The following GRID2 variants were observed in gnomAD, a reference collection of about 807,000 sequenced individuals.
GRID2 encodes the protein glutamate ionotropic receptor delta type subunit 2, also known as glutamate receptor ionotropic, delta-2.
A neutral mutation model predicts 114.8 loss-of-function variants in GRID2; 33 were observed. The ratio of observed to expected loss-of-function variants is 0.29; its 90% CI spans 0.22 to 0.38. The LOEUF (loss-of-function observed/expected upper bound fraction) is 0.38, where lower values mean the gene tolerates loss of function less well. GRID2 is among the 10% of genes least tolerant of loss of function. The pLI, the probability that GRID2 is intolerant of heterozygous loss-of-function variation, is 1.00. For synonymous variants in GRID2, 505 were observed against 449.9 expected (o/e 1.12, Z -1.55); for missense variants, 1,184 against 1,257.7 (o/e 0.94, Z 0.89).
At chr4:93,569,066 A>G (rs1275642943) in intron 13 of GRID2, among the ~76,000 whole-genome samples, 1 of 152,124 alleles carries the variant, frequency 6.6e-6, no homozygotes, top group African/African-American at 2.4e-5. Context: ...CTCTCTAGGG[A>G]GAACTTGAGT....
chr4:93,483,949 T>C (rs1201752147), intron 11 of GRID2, among the ~76,000 whole-genome samples: 1 of 151,804 alleles, frequency 6.6e-6, no homozygotes, highest in Non-Finnish European at 1.5e-5. Flanking sequence ...TTTTTTAATT[T>C]GGCACATAAT....
intron 1 of GRID2, among the ~76,000 whole-genome samples, chr4:92,506,051 TATTGA>T (rs1723952046): frequency 6.6e-6 from 1 of 152,020 alleles, no homozygotes; most frequent in Non-Finnish European, 1.5e-5. Context: ...AAAATGTATA[TATTGA>T]ATTCATGGAC....
intron 1 of GRID2, among the ~76,000 whole-genome samples, chr4:92,538,152 G>C (rs1471646552): frequency 6.6e-6 from 1 of 151,990 alleles, no homozygotes; most frequent in East Asian, 1.9e-4. Context: ...CTAATTTTAA[G>C]GGCTAACATT....
chr4:92,627,180 TATA>T (rs1730564264), intron 2 of GRID2, among the ~76,000 whole-genome samples: 1 of 152,084 alleles, frequency 6.6e-6, no homozygotes, highest in South Asian at 2.1e-4. Context: ...CCTAGAGATC[TATA>T]GTATACGTAT....
intron 2 of GRID2, among the ~76,000 whole-genome samples, chr4:92,734,547 G>T (rs572876414): frequency 6.6e-6 from 1 of 152,044 alleles, no homozygotes; most frequent in African/African-American, 2.4e-5. Flanking sequence ...GGCTTCCAAA[G>T]TTCTGGGATT....
intron 6 of GRID2, among the ~76,000 whole-genome samples, chr4:93,218,816 A>G (rs1744540769): frequency 6.6e-6 from 1 of 152,168 alleles, no homozygotes; most frequent in Non-Finnish European, 1.5e-5. Flanking sequence ...GGAAACTTAC[A>G]TTCATGGTGA....
chr4:92,609,900 T>C lies in GRID2; in HGVS notation c.244+19614T>C, dbSNP rs149895706. On this transcript the variant is annotated intron_variant, in intron 2 of 15. Transcript: ENST00000282020. The stretch of plus-strand genomic sequence containing the variant: ...TTGAAAAGAGAGCCAGTGTATCTGT[T>C]AATTAGGCATAATCTCTTTACTATT... 6.7e-4 allele frequency among the ~76,000 whole-genome samples: 101 copies of C among 151,832 alleles called. 1 individual carries two copies. The East Asian group carries it at 0.019, about 28-fold the overall frequency.
chr4:93,128,069 G>T (rs111452592), intron 4 of GRID2, among the ~76,000 whole-genome samples: 5 of 117,608 alleles, frequency 4.3e-5, no homozygotes, highest in African/African-American at 1.4e-4. Flanking sequence ...ACAACAGTAC[G>T]TGCTATATTG....
At chr4:93,220,931 T>C (rs1364141183) in intron 6 of GRID2, among the ~76,000 whole-genome samples, 3 of 152,168 alleles carry the variant, frequency 2.0e-5, no homozygotes, top group Non-Finnish European at 4.4e-5. Context: ...TATTAGATAA[T>C]CAAGTTCCAA....
At chr4:93,288,925 C>A (rs939099401) in intron 8 of GRID2, among the ~76,000 whole-genome samples, 4 of 152,138 alleles carry the variant, frequency 2.6e-5, no homozygotes, top group Non-Finnish European at 4.4e-5. Flanking sequence ...TATTCTTTGA[C>A]TGAATCTTTC....
intron 13 of GRID2, among the ~76,000 whole-genome samples, chr4:93,551,319 T>C (rs1733730150): frequency 6.6e-6 from 1 of 152,120 alleles, no homozygotes; most frequent in Non-Finnish European, 1.5e-5. Flanking sequence ...GTTAGATATG[T>C]AGGTGTAAGA....
intron 14 of GRID2, among the ~76,000 whole-genome samples, chr4:93,727,299 C>T (rs1021152099): frequency 7.9e-5 from 12 of 152,156 alleles, no homozygotes; most frequent in African/African-American, 2.4e-4. Context: ...TATTGATTTG[C>T]GTATGTTGAA....
At chr4:93,695,428 T>C (rs1487669988) in intron 14 of GRID2, among the ~76,000 whole-genome samples, 1 of 152,208 alleles carries the variant, frequency 6.6e-6, no homozygotes, top group Non-Finnish European at 1.5e-5. Context: ...CTATGTCTAT[T>C]TGTCAGTGCA....
intron 8 of GRID2, among the ~76,000 whole-genome samples, chr4:93,314,076 G>A (rs953320304): frequency 7.9e-5 from 12 of 152,118 alleles, no homozygotes; most frequent in East Asian, 5.8e-4. Context: ...AGGCCAAGGC[G>A]GGCGGATCAC....
In GRID2 at chr4:92,938,291, C is replaced by T. The variant is rs1270364728; in HGVS notation, c.245-146704C>T. ...TCAGTTCTTATTTTTAGTTGGGATT[C>T]TTTTCTTATCAATAGCATAAATCTT... On this transcript the variant is annotated intron_variant, in intron 2 of 15. Transcript: ENST00000282020. 1.4e-5 allele frequency among the ~76,000 whole-genome samples: 2 copies of T among 146,270 alleles called. 1 individual carries two copies. The highest frequency in any genetic ancestry group is 1.5e-4 in the Admixed American group (2 of 13,426).
chr4:92,601,533 G>A (rs1244719048), intron 2 of GRID2, among the ~76,000 whole-genome samples: 2 of 152,120 alleles, frequency 1.3e-5, no homozygotes, highest in Admixed American at 1.3e-4. Flanking sequence ...AGCTGAAGCA[G>A]TGTCAAGAGG....
chr4:93,213,843 G>A (rs936215297), intron 5 of GRID2, among the ~76,000 whole-genome samples: 6 of 151,994 alleles, frequency 3.9e-5, no homozygotes, highest in African/African-American at 1.4e-4. Flanking sequence ...GGATTCAACC[G>A]ACATTAAATT....
intron 2 of GRID2, among the ~76,000 whole-genome samples, chr4:92,974,444 C>T (rs1753723063): frequency 6.6e-6 from 1 of 152,066 alleles, no homozygotes; most frequent in Non-Finnish European, 1.5e-5. Context: ...ACCCAAATGT[C>T]CATCAATGAT....
chr4:92,463,410 A>C (rs1721591864), intron 1 of GRID2, among the ~76,000 whole-genome samples: 1 of 152,000 alleles, frequency 6.6e-6, no homozygotes, highest in Admixed American at 6.6e-5. Context: ...CATATTTATT[A>C]TGATAACAAT....
Sources: allele counts gnomAD v4.1 joint callset (sites outside exome capture counted in the v4.1 genomes callset), GRCh38; gene constraint gnomAD v4.1.1; transcripts MANE v1.5; gene names NCBI Gene and HGNC (gene_info 2026-07-23, HGNC 2026-07-21).